PCDHGA5: variants seen among roughly 807,000 people sequenced by gnomAD.
PCDHGA5 encodes protocadherin gamma-A5.
PCDHGA5 carries 36 observed loss-of-function variants against 56.7 expected under a neutral mutation model. The observed-to-expected ratio is 0.64, with a 90% CI of 0.49 to 0.84. The LOEUF (loss-of-function observed/expected upper bound fraction) is 0.84, where lower values mean the gene tolerates loss of function less well. Ranked by LOEUF, PCDHGA5 falls within the 40% of genes least tolerant of loss-of-function variation. The pLI, the probability that PCDHGA5 is intolerant of heterozygous loss-of-function variation, is 0.00. For missense variants in PCDHGA5, 1,305 were observed against 1,201.5 expected, an observed-to-expected ratio of 1.09 and a Z score of -1.27; for synonymous variants, 563 against 520.2, an observed-to-expected ratio of 1.08 and a Z score of -1.12.
intron 1 of PCDHGA5, chr5:141,388,825 C>G: frequency 6.2e-7 from 1 of 1,613,910 alleles, no homozygotes; most frequent in Non-Finnish European, 8.5e-7. Flanking sequence ...AAAGAATATT[C>G]CATAGTTTTG....
At chr5:141,399,063 A>G (rs762517133) in intron 1 of PCDHGA5, 1 of 1,613,714 alleles carries the variant, frequency 6.2e-7, no homozygotes, top group South Asian at 1.1e-5. Flanking sequence ...AGGAATATTC[A>G]ATGGTTGTAG....
intron 2 of PCDHGA5, among the ~76,000 whole-genome samples, chr5:141,496,116 C>G (rs1435887981): frequency 6.6e-6 from 1 of 152,178 alleles, no homozygotes; most frequent in Middle Eastern, 3.4e-3. Flanking sequence ...TCTCTTCCTT[C>G]CCTGCCCCTC....
intron 1 of PCDHGA5, chr5:141,422,849 C>A: frequency 1.2e-6 from 2 of 1,614,238 alleles, no homozygotes; most frequent in Non-Finnish European, 8.5e-7. Context: ...AGCGGGGACC[C>A]GCCCCTCAGC....
In PCDHGA5 at chr5:141,486,270, G is replaced by A. The variant is rs1052584402; in HGVS notation, c.2422-8537G>A. 2 of 1,614,062 alleles carry A rather than the reference G, an allele frequency of 1.2e-6. No homozygotes were observed. Reference sequence around the variant, plus strand: ...ACCCTCCCCGAGAGTGCAGAACCTGGCACTGTGGTGGCACTTATCAGTGTG... The same window carrying A: ...ACCCTCCCCGAGAGTGCAGAACCTGACACTGTGGTGGCACTTATCAGTGTG... On this transcript the variant is annotated intron_variant, in intron 1 of 3. Coordinates refer to ENST00000518069, the MANE Select transcript of PCDHGA5 (RefSeq NM_018918.3). This position sits in a 1 kb window ranked among gnomAD's most constrained non-coding sequence, Gnocchi z 5.0.
chr5:141,455,477 C>A (rs557286491), intron 1 of PCDHGA5, among the ~76,000 whole-genome samples: 15 of 152,252 alleles, frequency 9.9e-5, no homozygotes, highest in African/African-American at 2.9e-4. Flanking sequence ...TATGCAGAGG[C>A]TGGTGGAGGT....
chr5:141,467,371 A>G, intron 1 of PCDHGA5, among the ~76,000 whole-genome samples: 1 of 151,906 alleles, frequency 6.6e-6, no homozygotes, highest in Non-Finnish European at 1.5e-5. Context: ...GTTTTCTTAT[A>G]TTGCATTTAG....
At chr5:141,414,244 T>A in intron 1 of PCDHGA5, 1 of 1,613,526 alleles carries the variant, frequency 6.2e-7, no homozygotes, top group Admixed American at 1.7e-5. Context: ...CACGTCTCTA[T>A]TTAGTCCAGT....
chr5:141,375,417 C>G lies in PCDHGA5; in HGVS notation c.2421+8666C>G. ...ATCATCTCTCTAAATGTGGCAGACA[C>G]CAACGACAACCCGCCCACCTTCCCC... On this transcript the variant is annotated intron_variant, in intron 1 of 3. Coordinates refer to ENST00000518069, the MANE Select transcript of PCDHGA5 (RefSeq NM_018918.3). The G allele has an allele frequency of 1.9e-6, 3 of 1,613,976 alleles. No homozygotes were observed. The South Asian group carries it at 3.3e-5, about 18-fold the overall frequency.
In PCDHGA5 at chr5:141,364,246, G is replaced by C. The variant is rs918034939; in HGVS notation, c.-85G>C. The stretch of plus-strand genomic sequence containing the variant: ...CAACGCTCCACGCCCATTTTCGTCA[G>C]GGAATATGTACCCATCGGCTTTAGA... On this transcript the variant is annotated 5_prime_UTR_variant, in exon 1 of 4. Coordinates refer to ENST00000518069, the MANE Select transcript of PCDHGA5 (RefSeq NM_018918.3). The C allele has an allele frequency of 6.8e-7, 1 of 1,464,914 alleles. No homozygotes were observed. The highest frequency in any genetic ancestry group is 1.4e-5 in the African/African-American group (1 of 70,622). 90.7% of individuals were successfully genotyped at this position (1,464,914 alleles called of 1,614,324 possible). A position where few individuals can be genotyped will look rare whatever the true frequency, so the allele number is the denominator to read the frequency against.
At chr5:141,459,568 CAG>C (rs930633590) in intron 1 of PCDHGA5, among the ~76,000 whole-genome samples, 1 of 152,152 alleles carries the variant, frequency 6.6e-6, no homozygotes, top group Non-Finnish European at 1.5e-5. Context: ...TACCCCAAAA[CAG>C]AATTGTTTTG....
intron 1 of PCDHGA5, chr5:141,419,208 C>G: frequency 5.6e-6 from 9 of 1,613,966 alleles, no homozygotes; most frequent in Non-Finnish European, 6.8e-6. Flanking sequence ...GACAACGCGC[C>G]GGTTTTCGGA....
chr5:141,439,186 C>T (rs2098094521), intron 1 of PCDHGA5, among the ~76,000 whole-genome samples: 1 of 141,808 alleles, frequency 7.1e-6, no homozygotes, highest in Admixed American at 7.0e-5. Flanking sequence ...TAGTGAGACT[C>T]TGACAAAAAA....
At chr5:141,501,409 A>G (rs1358547245) in intron 2 of PCDHGA5, among the ~76,000 whole-genome samples, 1 of 151,978 alleles carries the variant, frequency 6.6e-6, no homozygotes, top group African/African-American at 2.4e-5. Context: ...ACTGCTTGGA[A>G]AATAGTTGAC....
chr5:141,478,246 C>T (rs1305046488), intron 1 of PCDHGA5: 1 of 1,614,100 alleles, frequency 6.2e-7, no homozygotes, highest in Admixed American at 1.7e-5. Context: ...TCACAGTGTT[C>T]GGAGTAATCA....
At chr5:141,392,871 C>T (rs2092620267) in intron 1 of PCDHGA5, 2 of 1,613,280 alleles carry the variant, frequency 1.2e-6, no homozygotes, top group Admixed American at 1.7e-5. Flanking sequence ...GTGCGCGCTG[C>T]TGGGAACGCT....
intron 1 of PCDHGA5, chr5:141,419,045 T>G (rs1473408777): frequency 6.2e-7 from 1 of 1,613,710 alleles, no homozygotes; most frequent in Non-Finnish European, 8.5e-7. Context: ...TAAGATTCAT[T>G]CTTCTTCTAA....
At chr5:141,466,180 A>T (rs566514149) in intron 1 of PCDHGA5, among the ~76,000 whole-genome samples, 100 of 151,254 alleles carry the variant, frequency 6.6e-4, no homozygotes, top group African/African-American at 2.1e-3. Context: ...TTTTATTTTT[A>T]TTTTTTTTCA....
chr5:141,466,928 T>TTAG (rs1231908662), intron 1 of PCDHGA5, among the ~76,000 whole-genome samples: 1 of 152,220 alleles, frequency 6.6e-6, no homozygotes, highest in Non-Finnish European at 1.5e-5. Context: ...ATTAGGAATA[T>TTAG]TAGTCCTTTG....
intron 1 of PCDHGA5, chr5:141,390,294 TA>T: frequency 6.2e-7 from 1 of 1,613,956 alleles, no homozygotes; most frequent in South Asian, 1.1e-5. Flanking sequence ...GAGTTTCCTT[TA>T]AGTATAATTT....
Sources: gnomAD v4.1 joint callset for allele counts (sites outside exome capture counted in the v4.1 genomes callset) on GRCh38, gnomAD v4.1.1 for gene constraint, Gnocchi (gnomAD v3.1) non-coding constraint, MANE v1.5 for transcripts, NCBI Gene and HGNC (gene_info 2026-07-23, HGNC 2026-07-21) for gene names.